GSK3B: variants seen among roughly 807,000 people sequenced by gnomAD.
The protein encoded by GSK3B is glycogen synthase kinase-3 beta.
Under a neutral mutation model 56.4 loss-of-function variants are expected in GSK3B, and 15 were observed. The ratio of observed to expected loss-of-function variants is 0.27; its 90% CI spans 0.18 to 0.41. The LOEUF is 0.41. GSK3B is among the 10% of genes least tolerant of loss of function. The pLI is 1.00. For missense variants in GSK3B, 300 were observed against 513.4 expected, an observed-to-expected ratio of 0.58 and a Z score of 4.02; for synonymous variants, 181 against 188.9, an observed-to-expected ratio of 0.96 and a Z score of 0.34.
At chr3:119,898,631 A>T (rs1013568289) in intron 7 of GSK3B, among the ~76,000 whole-genome samples, 1 of 152,118 alleles carries the variant, frequency 6.6e-6, no homozygotes, top group Admixed American at 6.6e-5. Context: ...CTATAAATTG[A>T]GCTACAGATG....
chr3:119,880,052 C>G (rs2056362707), intron 7 of GSK3B, among the ~76,000 whole-genome samples: 1 of 152,074 alleles, frequency 6.6e-6, no homozygotes, highest in South Asian at 2.1e-4. Flanking sequence ...AAACTGTTCT[C>G]CATGGAAGCA....
intron 3 of GSK3B, among the ~76,000 whole-genome samples, chr3:119,936,656 C>T (rs896838654): frequency 3.3e-5 from 5 of 151,468 alleles, no homozygotes; most frequent in South Asian, 2.1e-4. Flanking sequence ...CCTTGGGTAT[C>T]GTATGTTGAT....
At chr3:119,834,329 T>C (rs898802277) in intron 10 of GSK3B, among the ~76,000 whole-genome samples, 2 of 152,244 alleles carry the variant, frequency 1.3e-5, no homozygotes, top group Non-Finnish European at 2.9e-5. Flanking sequence ...CCTAAACTTA[T>C]ATTTAATTTG....
intron 3 of GSK3B, among the ~76,000 whole-genome samples, chr3:119,942,580 C>CT (rs1213179054): frequency 1.3e-5 from 2 of 152,198 alleles, no homozygotes; most frequent in African/African-American, 4.8e-5. Context: ...CCACACCCAG[C>CT]TCATAACATG....
At position 119,823,358 on chromosome 3, in the gene GSK3B, C is replaced by T; in HGVS notation, c.*3430G>A. The T allele has an allele frequency of 4.9e-6, 1 of 203,594 alleles. No homozygotes were observed. The highest frequency in any genetic ancestry group is 1.0e-5 in the Non-Finnish European group (1 of 99,222). The allele number at this position is 203,594 out of a possible 1,614,324, so 12.6% of individuals were successfully genotyped here. On this transcript the variant is annotated 3_prime_UTR_variant, in exon 11 of 11. Transcript: ENST00000264235. ...GAGTTCCCTTGTTAAAACAACAGTC[C>T]TCTATTGGCACGGTGGCACTCCGTG... is the stretch of plus-strand genomic sequence containing the variant.
intron 8 of GSK3B, among the ~76,000 whole-genome samples, chr3:119,873,331 A>C (rs1479939268): frequency 2.0e-5 from 3 of 147,820 alleles, no homozygotes; most frequent in African/African-American, 2.5e-5. Context: ...ATTTCTGTCT[A>C]CTTTTTTTTT....
intron 1 of GSK3B, among the ~76,000 whole-genome samples, chr3:120,081,276 C>T (rs1010404546): frequency 2.0e-5 from 3 of 151,122 alleles, no homozygotes; most frequent in South Asian, 2.1e-4. Context: ...AAAACAGGGT[C>T]GGGCACGGTG....
At chr3:119,950,093 A>T (rs2057142359) in intron 2 of GSK3B, among the ~76,000 whole-genome samples, 1 of 152,160 alleles carries the variant, frequency 6.6e-6, no homozygotes, top group African/African-American at 2.4e-5. Context: ...TAGAGGACAG[A>T]GTGGAGTAGT....
At chr3:119,941,032 T>TTTTTA (rs2057043919) in intron 3 of GSK3B, among the ~76,000 whole-genome samples, 1 of 140,782 alleles carries the variant, frequency 7.1e-6, no homozygotes, top group African/African-American at 2.7e-5. Flanking sequence ...TTTTTTTTTT[T>TTTTTA]GAGATGGAGC....
At chr3:119,934,175 G>T (rs560680434) in intron 3 of GSK3B, among the ~76,000 whole-genome samples, 1 of 152,178 alleles carries the variant, frequency 6.6e-6, no homozygotes, top group East Asian at 1.9e-4. Context: ...TCCTTCCAAG[G>T]AATAAAGTAT....
chr3:119,969,541 C>T (rs985561749), intron 2 of GSK3B, among the ~76,000 whole-genome samples: 1 of 152,140 alleles, frequency 6.6e-6, no homozygotes, highest in Non-Finnish European at 1.5e-5. Context: ...GAATAGTCAT[C>T]ACAGTATTGA....
At chr3:120,057,279 G>T (rs1225256712) in intron 1 of GSK3B, among the ~76,000 whole-genome samples, 1 of 152,056 alleles carries the variant, frequency 6.6e-6, no homozygotes, top group Non-Finnish European at 1.5e-5. Flanking sequence ...AGAAAAACAG[G>T]TCGCCAGATA....
At chr3:120,072,949 T>C (rs1022671001) in intron 1 of GSK3B, among the ~76,000 whole-genome samples, 19 of 152,154 alleles carry the variant, frequency 1.2e-4, no homozygotes, top group Admixed American at 4.6e-4. Flanking sequence ...TTTCTGTACA[T>C]TCGCATACTC....
At chr3:120,088,698 G>A (rs570927559) in intron 1 of GSK3B, among the ~76,000 whole-genome samples, 1 of 152,250 alleles carries the variant, frequency 6.6e-6, no homozygotes, top group Admixed American at 6.5e-5. Context: ...ATTTACTTAT[G>A]GTGATTATGT....
intron 1 of GSK3B, among the ~76,000 whole-genome samples, chr3:120,011,047 C>G (rs1230509118): frequency 6.6e-6 from 1 of 152,166 alleles, no homozygotes; most frequent in Admixed American, 6.5e-5. Context: ...CCAGCCTGGG[C>G]AACACAGCAA....
At chr3:119,932,419 G>C (rs2056955225) in intron 3 of GSK3B, among the ~76,000 whole-genome samples, 1 of 152,020 alleles carries the variant, frequency 6.6e-6, no homozygotes, top group South Asian at 2.1e-4. Context: ...ATGGGAAAGG[G>C]TAGGCACCTA....
chr3:119,876,216 G>C (rs1200450319), intron 8 of GSK3B, among the ~76,000 whole-genome samples, 197 bp downstream of exon 8: 1 of 152,080 alleles, frequency 6.6e-6, no homozygotes, highest in Admixed American at 6.6e-5. Context: ...AACCAGGCTA[G>C]AAACTATCTA....
At chr3:120,083,074 T>C (rs1419643285) in intron 1 of GSK3B, among the ~76,000 whole-genome samples, 1 of 151,830 alleles carries the variant, frequency 6.6e-6, no homozygotes, top group Admixed American at 6.6e-5. Flanking sequence ...TTTCTCAGTA[T>C]CTAGATACTG....
intron 8 of GSK3B, among the ~76,000 whole-genome samples, chr3:119,870,542 C>A (rs2056237765): frequency 6.6e-6 from 1 of 152,128 alleles, no homozygotes; most frequent in African/African-American, 2.4e-5. Flanking sequence ...ATTCCTTTCA[C>A]ATTTGGATTA....
Sources: gnomAD v4.1 joint callset for allele counts (sites outside exome capture counted in the v4.1 genomes callset) on GRCh38, gnomAD v4.1.1 for gene constraint, MANE v1.5 for transcripts, NCBI Gene and HGNC (gene_info 2026-07-23, HGNC 2026-07-21) for gene names.